Variants in RAB36 observed in about 807,000 individuals in gnomAD.
RAB36 encodes the protein RAB36, member RAS oncogene family.
RAB36 carries 33 observed loss-of-function variants against 39.3 expected under a neutral mutation model. The ratio of observed to expected loss-of-function variants is 0.84; its 90% CI spans 0.64 to 1.12. The LOEUF (loss-of-function observed/expected upper bound fraction) is 1.12. Ranked by LOEUF, RAB36 falls within the 50% of genes most tolerant of loss-of-function variation. The pLI is 0.00. For missense variants in RAB36, 308 were observed against 355.3 expected, an observed-to-expected ratio of 0.87 and a Z score of 1.07; for synonymous variants, 133 against 140.2, an observed-to-expected ratio of 0.95 and a Z score of 0.36.
chr22:23,154,897 G>A (rs901857167), intron 5 of RAB36, among the ~76,000 whole-genome samples: 2 of 152,136 alleles, frequency 1.3e-5, no homozygotes, highest in Admixed American at 6.5e-5. Flanking sequence ...AGGCCAGGGC[G>A]GGTGGATCAC....
Position 23,145,545 on chromosome 22 carries a change from A to G in RAB36, c.-19A>G, listed in dbSNP as rs745766095. 1.2e-6 allele frequency: 2 copies of G among 1,600,730 alleles called. No individual in the cohort carries two copies. Among genetic ancestry groups the G allele is most frequent in the Admixed American group, 3.3e-5 (2 of 59,918 alleles). ...GCGCGGAGCCCCAGCTTTCACAGCC[A>G]TCGCTGGTGAGTCAGCTCGCCCACT... On this transcript the variant is annotated 5_prime_UTR_variant, in exon 1 of 11. Coordinates refer to ENST00000263116, the MANE Select transcript of RAB36 (RefSeq NM_004914.5).
chr22:23,162,391 A>G lies in RAB36; in HGVS notation c.*827A>G, dbSNP rs1029577820. 8.7e-6 allele frequency: 3 copies of G among 344,624 alleles called. No homozygotes were observed. The allele number at this position is 344,624 out of a possible 1,614,324, so 21.3% of individuals were successfully genotyped here. On this transcript the variant is annotated 3_prime_UTR_variant, in exon 11 of 11. Coordinates refer to ENST00000263116, the MANE Select transcript of RAB36 (RefSeq NM_004914.5). ...GTAACTCACTCTGCAGCCCTTGAAC[A>G]TGGCACTGCCCTCCTCTGGCACTCA...
At position 23,162,522 on chromosome 22, in the gene RAB36, GC is replaced by G. The variant is rs1285366740; in HGVS notation, c.*961del. ...CATGCACCTTTAGAGGACTTCAGAG[GC>G]CCTGCCAAGTCTAGCATGTTCCTGT... On this transcript the variant is annotated 3_prime_UTR_variant, in exon 11 of 11. Coordinates refer to ENST00000263116, the MANE Select transcript of RAB36 (RefSeq NM_004914.5). 1 of 415,700 alleles carries G rather than the reference GC, an allele frequency of 2.4e-6. No homozygotes were observed. The highest frequency in any genetic ancestry group is 4.9e-6 in the Non-Finnish European group (1 of 203,066). 25.8% of individuals were successfully genotyped at this position (415,700 alleles called of 1,614,324 possible).
At position 23,164,630 on chromosome 22, in the gene RAB36, T is replaced by C. The variant is rs979021758; in HGVS notation, c.*3066T>C. On this transcript the variant is annotated 3_prime_UTR_variant, in exon 11 of 11. Transcript: ENST00000263116. ...GAGGCACTTTCTGTTGGTCTGGTCT[T>C]GTGGGCCCAGGCAAGCAGCCCCCTG... is the stretch of plus-strand genomic sequence containing the variant. Among the ~76,000 whole-genome samples the C allele has an allele frequency of 6.6e-6, 1 of 152,198 alleles. No homozygotes were observed. Among genetic ancestry groups the C allele is most frequent in the African/African-American group, 2.4e-5 (1 of 41,450 alleles).
At position 23,160,867 on chromosome 22, in the gene RAB36, G is replaced by A. The variant is rs1185127254; in HGVS notation, c.620-12G>A. ...ACACTGATGAGGTCCCGGCTGTCTTGTGGGCCCACAGGCGAGAACGTGAAG... is the reference window on the plus strand; with the variant it reads ...ACACTGATGAGGTCCCGGCTGTCTTATGGGCCCACAGGCGAGAACGTGAAG... On this transcript the variant is annotated splice_polypyrimidine_tract_variant and intron_variant, in intron 9 of 10. Transcript: ENST00000263116. The A allele has an allele frequency of 5.0e-6, 8 of 1,611,702 alleles. No individual in the cohort carries two copies. Among genetic ancestry groups the A allele is most frequent in the African/African-American group, 2.7e-5 (2 of 74,900 alleles).
downstream of RAB36, among the ~76,000 whole-genome samples, chr22:23,167,774 C>T (rs1325994453): frequency 6.6e-6 from 1 of 151,972 alleles, no homozygotes; most frequent in African/African-American, 2.4e-5. Flanking sequence ...CCTCAAACTC[C>T]CGGTCTCAAG....
intron 7 of RAB36, among the ~76,000 whole-genome samples, chr22:23,158,433 C>T (rs1318005604): frequency 6.6e-6 from 1 of 152,216 alleles, no homozygotes; most frequent in Non-Finnish European, 1.5e-5. Context: ...GAATTTGGCA[C>T]TTGCAGTCTT....
At chr22:23,156,209 T>A in intron 6 of RAB36, 177 bp downstream of exon 6, 1 of 574,332 alleles carries the variant, frequency 1.7e-6, no homozygotes, top group Non-Finnish European at 3.1e-6. Flanking sequence ...CCCCAGGCAC[T>A]GGCTGACTTT....
At chr22:23,153,263 G>A in intron 5 of RAB36, 129 bp downstream of exon 5, 1 of 725,008 alleles carries the variant, frequency 1.4e-6, no homozygotes, top group Non-Finnish European at 2.3e-6. Flanking sequence ...TGGGGGTGTT[G>A]TGTGACACTT....
intron 2 of RAB36, 71 bp downstream of exon 2, chr22:23,146,756 A>C (rs1372258644): frequency 4.5e-6 from 7 of 1,571,472 alleles, no homozygotes; most frequent in Non-Finnish European, 6.1e-6. Flanking sequence ...CTCTACACTC[A>C]TGCCTAGAAG....
intron 10 of RAB36, 79 bp from the exon 11 acceptor site, chr22:23,161,421 T>C: frequency 7.8e-7 from 1 of 1,274,850 alleles, no homozygotes; most frequent in Non-Finnish European, 1.1e-6. Context: ...CAGCTCTGAC[T>C]GTCAGGGCCG....
rs1281618597 is a variant in RAB36 at position 23,159,102 on chromosome 22, C to A, written c.529-61C>A. On this transcript the variant is annotated intron_variant, in intron 8 of 10. Transcript: ENST00000263116. ...CAGTGGGAAGCAGGCAGCTGCCTAT[C>A]CCCCTGGGCCTCCCTGCAGGAGAGC... is the stretch of plus-strand genomic sequence containing the variant. 4 of 1,590,736 alleles carry A rather than the reference C, an allele frequency of 2.5e-6. No individual in the cohort carries two copies. In the Admixed American group the frequency reaches 6.9e-5, roughly 27 times the overall value.
At chr22:23,155,914 A>G (rs918431633) in intron 5 of RAB36, 54 bp from the exon 6 acceptor site, 3 of 1,516,206 alleles carry the variant, frequency 2.0e-6, no homozygotes, top group Non-Finnish European at 1.8e-6. Flanking sequence ...GGCTCAAGAC[A>G]CTGTGATTGT....
At position 23,152,508 on chromosome 22, in the gene RAB36, A is replaced by G; in HGVS notation, c.209A>G (p.Lys70Arg). The G allele has an allele frequency of 6.2e-7, 1 of 1,614,142 alleles. No individual in the cohort carries two copies. The highest frequency in any genetic ancestry group is 8.5e-7 in the Non-Finnish European group (1 of 1,180,004). Reference protein sequence around the residue: ...VVVVGDLYVGKTSLIHRFCKN... With the variant: ...VVVVGDLYVGRTSLIHRFCKN... ...GTGGTTGGCGATCTCTACGTGGGGA[A>G]GACCAGCCTCATCCACAGGTACAAG... is the stretch of plus-strand genomic sequence containing the variant. Residue 70 changes from lysine to arginine, a missense_variant, in exon 4 of 11, where the codon AAG becomes AGG. By Grantham distance (26) the Lys-to-Arg change is conservative. Transcript: ENST00000263116.
At position 23,146,696 on chromosome 22, in the gene RAB36, A is replaced by G. The variant is rs371341601; in HGVS notation, c.69+11A>G. The G allele has an allele frequency of 3.1e-5, 50 of 1,613,272 alleles. No homozygotes were observed. Among genetic ancestry groups the G allele is most frequent in the Non-Finnish European group, 4.2e-5 (50 of 1,179,594 alleles). On this transcript the variant is annotated intron_variant, in intron 2 of 10. Transcript: ENST00000263116. The stretch of plus-strand genomic sequence containing the variant: ...GCCAGCTTCCCTAAGGTAGAGAGTC[A>G]TTACGTCTGCAGTGCTCTCCTGGCC...
intron 2 of RAB36, 54 bp from the exon 3 acceptor site, chr22:23,150,009 G>T: frequency 7.1e-7 from 1 of 1,400,044 alleles, no homozygotes; most frequent in South Asian, 1.2e-5. Context: ...TTGGCTACGA[G>T]GGCGGAGCCA....
chr22:23,150,078 G>C lies in RAB36; in HGVS notation c.85G>C (p.Ala29Pro). Residue 29 changes from alanine (A) to proline (P), a missense_variant, in exon 3 of 11, where the codon GCC becomes CCC. Transcript: ENST00000263116. ...ASFPKWYTPE[A>P]CLQLREHFHG... ...CTCTTTGCAGTGGTACACGCCGGAA[G>C]CCTGTTTGCAGCTCAGGGAGCACTT... 3 of 1,610,946 alleles carry C rather than the reference G, an allele frequency of 1.9e-6. No homozygotes were observed. The highest frequency in any genetic ancestry group is 1.1e-5 in the South Asian group (1 of 90,308).
intron 3 of RAB36, among the ~76,000 whole-genome samples, chr22:23,151,931 T>G (rs2071161012): frequency 6.6e-6 from 1 of 152,148 alleles, no homozygotes; most frequent in Non-Finnish European, 1.5e-5. Context: ...GATCTCTAAG[T>G]GAGCAGGGCA....
chr22:23,146,818 G>T (rs537853624), intron 2 of RAB36, 133 bp downstream of exon 2: 6 of 1,412,332 alleles, frequency 4.2e-6, no homozygotes, highest in Non-Finnish European at 5.6e-6. Context: ...ACCTTGAGGA[G>T]CTGGGAGACT....
Sources: allele counts gnomAD v4.1 joint callset (sites outside exome capture counted in the v4.1 genomes callset), GRCh38; gene constraint gnomAD v4.1.1; transcripts MANE v1.5; gene names NCBI Gene and HGNC (gene_info 2026-07-23, HGNC 2026-07-21).